NEXMIF: variants seen among roughly 807,000 people sequenced by gnomAD.
NEXMIF encodes neurite extension and migration factor, also known as XLMR protein related to neurite extension.
Under a neutral mutation model 62.1 loss-of-function variants are expected in NEXMIF, and 8 were observed. That is an observed-to-expected ratio of 0.13 (90% CI 0.08 to 0.23). NEXMIF has a LOEUF of 0.23. Among genes scored for constraint, NEXMIF ranks in the 10% least tolerant of loss-of-function variants. The pLI is 1.00. For missense variants in NEXMIF, 976 were observed against 1,113.3 expected, an observed-to-expected ratio of 0.88 and a Z score of 1.75; for synonymous variants, 404 against 416.6, an observed-to-expected ratio of 0.97 and a Z score of 0.37.
intron 1 of NEXMIF, among the ~76,000 whole-genome samples, chrX:74,898,656 T>C (rs1158176193): frequency 8.9e-6 from 1 of 111,985 alleles, no homozygotes; most frequent in African/African-American, 3.2e-5. Context: ...GGGAATTTTC[T>C]TTATTATCAT....
At chrX:74,765,518 G>A (rs1223978278) in intron 1 of NEXMIF, among the ~76,000 whole-genome samples, 1 of 111,873 alleles carries the variant, frequency 8.9e-6, no homozygotes. Flanking sequence ...GCTTTATAGT[G>A]TCATTGGACA....
chrX:74,819,650 C>T (rs960017786), intron 1 of NEXMIF, among the ~76,000 whole-genome samples: 2 of 111,886 alleles, frequency 1.8e-5, no homozygotes, highest in African/African-American at 3.2e-5. Flanking sequence ...CCATCCCACG[C>T]CAGTTAGAAT....
chrX:74,809,567 C>G (rs1403133317), intron 1 of NEXMIF, among the ~76,000 whole-genome samples: 1 of 111,985 alleles, frequency 8.9e-6, no homozygotes, highest in Non-Finnish European at 1.9e-5. Flanking sequence ...ATGCACCCAA[C>G]CAAGAATTTT....
At chrX:74,880,095 C>T (rs768077482) in intron 1 of NEXMIF, among the ~76,000 whole-genome samples, 2 of 112,168 alleles carry the variant, frequency 1.8e-5, no homozygotes, top group Admixed American at 9.4e-5. Flanking sequence ...TACCTCCTGA[C>T]CTTTAGGAAC....
chrX:74,876,438 A>G (rs1394658783), intron 1 of NEXMIF, among the ~76,000 whole-genome samples: 5 of 111,048 alleles, frequency 4.5e-5, no homozygotes, highest in East Asian at 2.8e-4. Flanking sequence ...GAATAGGTGT[A>G]GTGTGGTGCT....
At chrX:74,814,829 C>T (rs1254088836) in intron 1 of NEXMIF, among the ~76,000 whole-genome samples, 1 of 112,028 alleles carries the variant, frequency 8.9e-6, no homozygotes, top group African/African-American at 3.2e-5. Context: ...TTTCCATTTG[C>T]TTAATTTCTA....
chrX:74,893,344 C>T (rs184923423), intron 1 of NEXMIF, among the ~76,000 whole-genome samples: 2 of 112,291 alleles, frequency 1.8e-5, no homozygotes, highest in African/African-American at 6.5e-5. Context: ...CCACCTGCTT[C>T]TTAGTTCTCA....
intron 1 of NEXMIF, among the ~76,000 whole-genome samples, chrX:74,747,914 C>A (rs1294859397): frequency 1.8e-5 from 2 of 112,304 alleles, no homozygotes; most frequent in East Asian, 5.6e-4. Flanking sequence ...TGTGTCTAGC[C>A]AATTATCCAG....
At chrX:74,832,299 G>A (rs1163369449) in intron 1 of NEXMIF, among the ~76,000 whole-genome samples, 2 of 111,395 alleles carry the variant, frequency 1.8e-5, no homozygotes, top group Non-Finnish European at 3.8e-5. Context: ...GGTCTGTTCA[G>A]GTTTTGAATT....
chrX:74,766,157 A>T (rs1182734799), intron 1 of NEXMIF, among the ~76,000 whole-genome samples: 1 of 109,877 alleles, frequency 9.1e-6, no homozygotes, highest in African/African-American at 3.3e-5. Flanking sequence ...ATCTCTAGCT[A>T]CCTTTAACAT....
At chrX:74,923,172 A>G (rs2080832755) in intron 1 of NEXMIF, among the ~76,000 whole-genome samples, 1 of 111,860 alleles carries the variant, frequency 8.9e-6, no homozygotes, top group Non-Finnish European at 1.9e-5. Context: ...TTGACCTCCC[A>G]GGTTACGCAG....
chrX:74,782,279 C>T (rs917534402), intron 1 of NEXMIF, among the ~76,000 whole-genome samples: 2 of 111,845 alleles, frequency 1.8e-5, no homozygotes, highest in African/African-American at 6.5e-5. Flanking sequence ...TTCTGAAATG[C>T]TTTCAAACTT....
chrX:74,900,531 T>C (rs747924845), intron 1 of NEXMIF, among the ~76,000 whole-genome samples: 55 of 105,233 alleles, frequency 5.2e-4, no homozygotes, highest in Non-Finnish European at 8.5e-4. Context: ...TTGGTGAGGA[T>C]CTGAAAAAAT....
intron 1 of NEXMIF, among the ~76,000 whole-genome samples, chrX:74,794,713 T>C (rs892519288): frequency 2.7e-5 from 3 of 111,633 alleles, no homozygotes; most frequent in Non-Finnish European, 3.8e-5. Context: ...AAAAGCGCCA[T>C]ATTCGGGTGG....
At chrX:74,885,218 A>T (rs1471236964) in intron 1 of NEXMIF, among the ~76,000 whole-genome samples, 1 of 111,827 alleles carries the variant, frequency 8.9e-6, no homozygotes, top group Non-Finnish European at 1.9e-5. Context: ...TTGACACTCT[A>T]GCATCACAAT....
chrX:74,780,375 G>GT (rs375080601), intron 1 of NEXMIF, among the ~76,000 whole-genome samples: 2,063 of 96,730 alleles, frequency 0.021, 17 homozygotes, highest in Middle Eastern at 0.031. Context: ...CCATCTTACT[G>GT]TTTTTTTTTT....
intron 1 of NEXMIF, among the ~76,000 whole-genome samples, chrX:74,866,220 G>A (rs762607296): frequency 8.9e-6 from 1 of 112,140 alleles, no homozygotes; most frequent in South Asian, 3.7e-4. Context: ...TGACCTGGAT[G>A]TGAGACATGG....
At chrX:74,790,671 C>G (rs1233859561) in intron 1 of NEXMIF, among the ~76,000 whole-genome samples, 2 of 113,523 alleles carry the variant, frequency 1.8e-5, no homozygotes, top group Non-Finnish European at 3.7e-5. Flanking sequence ...GTTTGTAGTT[C>G]TCCTTGAAGA....
At chrX:74,769,068 GA>G (rs1394984691) in intron 1 of NEXMIF, among the ~76,000 whole-genome samples, 1 of 109,939 alleles carries the variant, frequency 9.1e-6, no homozygotes, top group Non-Finnish European at 1.9e-5. Flanking sequence ...GTAGGTTTTT[GA>G]AAATCTTAAA....
Sources: allele counts gnomAD v4.1 joint callset (sites outside exome capture counted in the v4.1 genomes callset), GRCh38; gene constraint gnomAD v4.1.1; transcripts MANE v1.5; gene names NCBI Gene and HGNC (gene_info 2026-07-23, HGNC 2026-07-21).